Variants in LRRFIP2 observed in about 807,000 individuals in gnomAD.
LRRFIP2 encodes the protein LRR binding FLII interacting protein 2.
LRRFIP2 carries 109 observed loss-of-function variants against 125.9 expected under a neutral mutation model. The ratio of observed to expected loss-of-function variants is 0.87; its 90% CI spans 0.74 to 1.01. LRRFIP2 has a LOEUF of 1.01. Ranked by LOEUF, LRRFIP2 falls within the 50% of genes least tolerant of loss-of-function variation. The pLI is 0.00. For synonymous variants in LRRFIP2, 291 were observed against 293.1 expected, an observed-to-expected ratio of 0.99 and a Z score of 0.07; for missense variants, 850 against 862.3, an observed-to-expected ratio of 0.99 and a Z score of 0.18.
intron 8 of LRRFIP2, chr3:37,111,792 C>G (rs1280593273): frequency 6.6e-6 from 1 of 152,580 alleles, no homozygotes; most frequent in Non-Finnish European, 1.5e-5. Context: ...CCTCACTCCC[C>G]ACTCACACCC....
intron 19 of LRRFIP2, among the ~76,000 whole-genome samples, chr3:37,083,387 A>G (rs559418099): frequency 6.6e-6 from 1 of 152,332 alleles, no homozygotes; most frequent in African/African-American, 2.4e-5. Flanking sequence ...AAATGAAGCT[A>G]AAACTTGAGT....
chr3:37,108,570 C>A (rs2094434857), intron 12 of LRRFIP2, 67 bp downstream of exon 12: 3 of 1,330,106 alleles, frequency 2.3e-6, no homozygotes, highest in South Asian at 2.6e-5. Context: ...TTGACTTTTT[C>A]TTTGAAAGTA....
chr3:37,125,698 T>A (rs964776566), intron 4 of LRRFIP2, among the ~76,000 whole-genome samples: 4 of 152,180 alleles, frequency 2.6e-5, no homozygotes, highest in African/African-American at 9.6e-5. Context: ...TGTCCCAACA[T>A]CACACTCCCA....
intron 1 of LRRFIP2, among the ~76,000 whole-genome samples, chr3:37,153,877 A>G (rs1203191389): frequency 1.3e-5 from 2 of 152,172 alleles, no homozygotes; most frequent in African/African-American, 4.8e-5. Flanking sequence ...CACATGATGC[A>G]GATCAAGGAC....
intron 19 of LRRFIP2, among the ~76,000 whole-genome samples, chr3:37,077,476 A>C (rs2092209130): frequency 6.6e-6 from 1 of 152,196 alleles, no homozygotes; most frequent in African/African-American, 2.4e-5. Flanking sequence ...ATATTTGTAC[A>C]TATATTTTGA....
At chr3:37,102,408 G>A (rs183372647) in intron 15 of LRRFIP2, among the ~76,000 whole-genome samples, 98 of 152,070 alleles carry the variant, frequency 6.4e-4, no homozygotes, top group Admixed American at 3.1e-3. Flanking sequence ...TCCACAGAGG[G>A]GGAAAAAGTT....
At chr3:37,094,162 T>TG (rs2093608863) in intron 17 of LRRFIP2, among the ~76,000 whole-genome samples, 2 of 152,226 alleles carry the variant, frequency 1.3e-5, no homozygotes, top group African/African-American at 2.4e-5. Context: ...CAAGGCCAAG[T>TG]GCTCAATAAA....
Position 37,058,852 on chromosome 3 carries a change from C to A in LRRFIP2, c.1808G>T (p.Gly603Val). 6.2e-7 allele frequency: 1 copy of A among 1,613,996 alleles called. No homozygotes were observed. The highest frequency in any genetic ancestry group is 8.5e-7 in the Non-Finnish European group (1 of 1,179,950). The change falls in exon 25 of 28, where the codon GGC (glycine) becomes GTC (valine). Residue 603 changes from glycine to valine, a missense_variant. Physicochemically the swap from Gly to Val is moderately radical, Grantham distance 109. Coordinates refer to ENST00000336686, the MANE Select transcript of LRRFIP2 (RefSeq NM_006309.4). ...EERQKCSRND[G>V]TVGDLAGLQN... ...CAGTCCTGCCAGGTCACCCACTGTG[C>A]CATCATTCCTGGAGCATTTCTGTCG...
chr3:37,128,231 T>C (rs2095337311), intron 3 of LRRFIP2, among the ~76,000 whole-genome samples: 1 of 152,214 alleles, frequency 6.6e-6, no homozygotes, highest in Non-Finnish European at 1.5e-5. Context: ...CTTTTTAACC[T>C]GCTCACAGAA....
At chr3:37,134,070 T>C (rs559467955) in intron 2 of LRRFIP2, among the ~76,000 whole-genome samples, 1 of 151,696 alleles carries the variant, frequency 6.6e-6, no homozygotes, top group Non-Finnish European at 1.5e-5. Flanking sequence ...TAGTCCCAGC[T>C]ACTTGGGAGG....
intron 24 of LRRFIP2, among the ~76,000 whole-genome samples, chr3:37,063,207 G>A (rs2148729190): frequency 6.6e-6 from 1 of 152,334 alleles, no homozygotes; most frequent in South Asian, 2.1e-4. Flanking sequence ...GCTCCACTGT[G>A]TGAGTAGTGT....
At chr3:37,063,635 C>G (rs2089374202) in intron 24 of LRRFIP2, 107 bp downstream of exon 24, 3 of 822,450 alleles carry the variant, frequency 3.6e-6, no homozygotes, top group Non-Finnish European at 6.4e-6. Flanking sequence ...CACTTGAGTA[C>G]TGATGTTTGA....
intron 9 of LRRFIP2, among the ~76,000 whole-genome samples, chr3:37,109,924 C>T (rs2094491397): frequency 6.6e-6 from 1 of 152,146 alleles, no homozygotes; most frequent in Non-Finnish European, 1.5e-5. Context: ...ACAGCTGGAA[C>T]AGTTTTCTAT....
At chr3:37,126,281 C>A (rs1377633231) in intron 4 of LRRFIP2, among the ~76,000 whole-genome samples, 2 of 152,154 alleles carry the variant, frequency 1.3e-5, no homozygotes, top group Non-Finnish European at 2.9e-5. Context: ...CCACCTGCCT[C>A]GGCCTCCCAA....
At position 37,111,011 on chromosome 3, in the gene LRRFIP2, T is replaced by C; in HGVS notation, c.493A>G (p.Thr165Ala). Reference protein sequence around the residue: ...NYSSLRHSKPTSAYYTRQSSS... With the variant: ...NYSSLRHSKPASAYYTRQSSS... The stretch of plus-strand genomic sequence containing the variant: ...CAAACCCGAGTGTAGTAGGCAGAGG[T>C]GGGTTTGCTATGTCTAAGACTGCTA... Residue 165 changes from threonine (T) to alanine (A), a missense_variant, in exon 9 of 28, where the codon ACC becomes GCC. Transcript: ENST00000336686. 6.2e-7 allele frequency: 1 copy of C among 1,613,634 alleles called. No individual in the cohort carries two copies. Among genetic ancestry groups the C allele is most frequent in the South Asian group, 1.1e-5 (1 of 91,062 alleles).
At chr3:37,073,919 C>A (rs1346864318) in intron 20 of LRRFIP2, among the ~76,000 whole-genome samples, 1 of 152,058 alleles carries the variant, frequency 6.6e-6, no homozygotes, top group Non-Finnish European at 1.5e-5. Flanking sequence ...TTTAAAATAC[C>A]AGCAGGATAC....
intron 2 of LRRFIP2, among the ~76,000 whole-genome samples, chr3:37,141,947 C>T (rs1223389935): frequency 6.6e-6 from 1 of 152,076 alleles, no homozygotes; most frequent in Non-Finnish European, 1.5e-5. Flanking sequence ...GGGCTTCCTG[C>T]CTTTTTGTTT....
At chr3:37,149,124 T>G (rs1577526404) in intron 1 of LRRFIP2, 86 bp from the exon 2 acceptor site, 2 of 1,117,758 alleles carry the variant, frequency 1.8e-6, no homozygotes, top group East Asian at 5.3e-5. Context: ...AACAGAGAAA[T>G]TAGTCACCAA....
At chr3:37,061,043 C>G (rs570261201) in intron 24 of LRRFIP2, among the ~76,000 whole-genome samples, 3 of 152,292 alleles carry the variant, frequency 2.0e-5, no homozygotes, top group African/African-American at 7.2e-5. Flanking sequence ...GCACCATTCC[C>G]TTGGTGATGA....
Sources: allele counts gnomAD v4.1 joint callset (sites outside exome capture counted in the v4.1 genomes callset), GRCh38; gene constraint gnomAD v4.1.1; transcripts MANE v1.5; gene names NCBI Gene and HGNC (gene_info 2026-07-23, HGNC 2026-07-21).